GCNT1: variants seen among roughly 807,000 people sequenced by gnomAD.
GCNT1 encodes beta-1,3-galactosyl-O-glycosyl-glycoprotein beta-1,6-N-acetylglucosaminyltransferase.
A neutral mutation model predicts 26.2 loss-of-function variants in GCNT1; 16 were observed. The observed-to-expected ratio is 0.61, with a 90% CI of 0.41 to 0.93. The LOEUF is 0.93. GCNT1 is among the 40% of genes least tolerant of loss of function. The pLI is 0.00. For synonymous variants in GCNT1, 183 were observed against 190.8 expected (o/e 0.96, Z 0.34); for missense variants, 477 against 526.7 (o/e 0.91, Z 0.92).
chr9:76,494,901 G>A (rs1048783857), intron 2 of GCNT1, among the ~76,000 whole-genome samples: 1 of 152,084 alleles, frequency 6.6e-6, no homozygotes, highest in Admixed American at 6.5e-5. Flanking sequence ...GTCAACCCTG[G>A]GCTCAGCCTG....
At chr9:76,473,456 T>G (rs866190929) in intron 2 of GCNT1, among the ~76,000 whole-genome samples, 1 of 152,240 alleles carries the variant, frequency 6.6e-6, no homozygotes, top group South Asian at 2.1e-4. Flanking sequence ...CCCTTAGACA[T>G]GAGCTCAGAT....
intron 2 of GCNT1, among the ~76,000 whole-genome samples, chr9:76,467,737 A>AC (rs1824033906): frequency 6.6e-6 from 1 of 151,986 alleles, no homozygotes; most frequent in African/African-American, 2.4e-5. Flanking sequence ...TAAGGCTGAG[A>AC]CCAATTGTGT....
intron 1 of GCNT1, among the ~76,000 whole-genome samples, chr9:76,450,731 T>C (rs538837162): frequency 6.6e-6 from 1 of 152,366 alleles, no homozygotes; most frequent in South Asian, 2.1e-4. Context: ...TTTCACCTGG[T>C]GCATATTTTT....
the GCNT1 span, among the ~76,000 whole-genome samples, chr9:76,398,431 C>T: frequency 2.0e-5 from 3 of 152,166 alleles, no homozygotes; most frequent in Non-Finnish European, 4.4e-5. Flanking sequence ...ATGCTGGCAA[C>T]CATGTAGAGC....
chr9:76,408,543 C>A, the GCNT1 span, among the ~76,000 whole-genome samples: 4 of 152,166 alleles, frequency 2.6e-5, no homozygotes, highest in African/African-American at 9.6e-5. Flanking sequence ...ATTTAACTTG[C>A]TAATATTTTG....
chr9:76,419,865 T>C lies in GCNT1; in HGVS notation n.16T>C, dbSNP rs1259644620. On this transcript the variant is annotated non_coding_transcript_exon_variant, in exon 1 of 4. Coordinates refer to the GCNT1 transcript ENST00000488136. ...TCTAACACCAGCACCTCTATCTTGCTGAGCTCCAGCCAAAGAAGGAAGGTA... is the reference window on the plus strand; with the variant it reads ...TCTAACACCAGCACCTCTATCTTGCCGAGCTCCAGCCAAAGAAGGAAGGTA... 2.0e-5 allele frequency: 3 copies of C among 152,286 alleles called. No homozygotes were observed. The East Asian group carries it at 5.8e-4, about 29-fold the overall frequency. The allele number at this position is 152,286 out of a possible 1,614,324, so 9.4% of individuals were successfully genotyped here. A position where few individuals can be genotyped will look rare whatever the true frequency, so the allele number is the denominator to read the frequency against.
At chr9:76,420,311 G>A (rs1377241382) in intron 1 of GCNT1, 1 of 152,120 alleles carries the variant, frequency 6.6e-6, no homozygotes, top group African/African-American at 2.4e-5. Flanking sequence ...GCTTTGCTCT[G>A]TCACCCAAGC....
At chr9:76,440,962 G>A (rs1248126002), upstream of GCNT1, among the ~76,000 whole-genome samples, 1 of 151,240 alleles carries the variant, frequency 6.6e-6, no homozygotes, top group African/African-American at 2.4e-5. Flanking sequence ...TACTGAGGAG[G>A]CTGAGGTAGG....
chr9:76,406,515 G>GAAAC, the GCNT1 span, among the ~76,000 whole-genome samples: 2 of 143,776 alleles, frequency 1.4e-5, no homozygotes, highest in African/African-American at 5.2e-5. Flanking sequence ...AAAAAAAAAA[G>GAAAC]AAAGAAAGAA....
intron 2 of GCNT1, among the ~76,000 whole-genome samples, chr9:76,496,805 A>T (rs181178895): frequency 2.0e-5 from 3 of 151,482 alleles, no homozygotes; most frequent in African/African-American, 7.3e-5. Context: ...CTCTGTTCCA[A>T]CTCACGGTGG....
chr9:76,413,653 G>GTTTTGTTTTTTTTTTTTTTTTTTT, the GCNT1 span, among the ~76,000 whole-genome samples: 1 of 118,682 alleles, frequency 8.4e-6, no homozygotes, highest in Non-Finnish European at 1.8e-5. Context: ...GTTTTGTTTT[G>GTTTTGTTTTTTTTTTTTTTTTTTT]TTTTTTTTTT....
rs781455120 is a variant in GCNT1, at chr9:76,503,090, A to C, written c.709A>C (p.Met237Leu). The change falls in exon 4 of 4, where the codon ATG (methionine) becomes CTG (leucine). Residue 237 changes from methionine to leucine, a missense_variant. Coordinates refer to ENST00000376730, the MANE Select transcript of GCNT1 (RefSeq NM_001490.5). ...LEIVRKLKLL[M>L]GENNLETERM... ...AATTGTCAGGAAGCTCAAGTTGTTA[A>C]TGGGAGAAAACAACCTGGAAACGGA... 3.7e-6 allele frequency: 6 copies of C among 1,614,156 alleles called. No individual in the cohort carries two copies. The highest frequency in any genetic ancestry group is 4.2e-6 in the Non-Finnish European group (5 of 1,180,012).
chr9:76,418,249 A>T (rs1823149597), upstream of GCNT1, among the ~76,000 whole-genome samples: 1 of 152,228 alleles, frequency 6.6e-6, no homozygotes, highest in South Asian at 2.1e-4. Flanking sequence ...TTACAATAAG[A>T]GGTTGTGGAA....
At chr9:76,427,895 T>C (rs1823277509) in intron 1 of GCNT1, among the ~76,000 whole-genome samples, 1 of 152,040 alleles carries the variant, frequency 6.6e-6, no homozygotes, top group Non-Finnish European at 1.5e-5. Context: ...GGCATGAGAA[T>C]TGCTTGAACC....
At chr9:76,426,285 C>T (rs1174504222) in intron 1 of GCNT1, among the ~76,000 whole-genome samples, 1 of 152,166 alleles carries the variant, frequency 6.6e-6, no homozygotes, top group Non-Finnish European at 1.5e-5. Context: ...ATAATTTTCT[C>T]AGTTATAATT....
intron 1 of GCNT1, among the ~76,000 whole-genome samples, chr9:76,448,724 A>G (rs1823616019): frequency 6.6e-6 from 1 of 152,084 alleles, no homozygotes; most frequent in South Asian, 2.1e-4. Context: ...AACGGTCTGT[A>G]CTCTTTCGTG....
rs1424221145 is a variant in GCNT1 at position 76,507,227 on chromosome 9, T to C, written c.*3559T>C. On this transcript the variant is annotated 3_prime_UTR_variant, in exon 4 of 4. Transcript: ENST00000376730. ...CTGAATGCATATCACTTGTGCACTG[T>C]TGTAAAGCTGAAAAACCGTTAAGCC... 6.0e-6 allele frequency: 1 copy of C among 167,088 alleles called. No individual in the cohort carries two copies. Among genetic ancestry groups the C allele is most frequent in the African/African-American group, 2.4e-5 (1 of 41,456 alleles). 10.4% of individuals were successfully genotyped at this position (167,088 alleles called of 1,614,324 possible). A position where few individuals can be genotyped will look rare whatever the true frequency, so the allele number is the denominator to read the frequency against.
the GCNT1 span, among the ~76,000 whole-genome samples, chr9:76,400,789 G>C: frequency 6.6e-6 from 1 of 152,216 alleles, no homozygotes; most frequent in South Asian, 2.1e-4. Context: ...TGGGGCATGT[G>C]TGAATCGACT....
upstream of GCNT1, among the ~76,000 whole-genome samples, chr9:76,416,268 C>T (rs1194630518): frequency 1.3e-5 from 2 of 152,150 alleles, no homozygotes; most frequent in Non-Finnish European, 2.9e-5. Context: ...TCTTCCCACT[C>T]CATCCCCTTT....
Sources: gnomAD v4.1 joint callset for allele counts (sites outside exome capture counted in the v4.1 genomes callset) on GRCh38, gnomAD v4.1.1 for gene constraint, MANE v1.5 for transcripts, NCBI Gene and HGNC (gene_info 2026-07-23, HGNC 2026-07-21) for gene names.